Variants in SLC26A5 observed in about 807,000 individuals in gnomAD.
SLC26A5 encodes the protein prestin.
In SLC26A5, 51 loss-of-function variants were observed where a neutral mutation model predicts 81.0. The observed-to-expected ratio is 0.63, with a 90% confidence interval of 0.50 to 0.80. The LOEUF is 0.80. SLC26A5 is among the 30% of genes least tolerant of loss of function. SLC26A5 has a pLI of 0.00. For missense variants in SLC26A5, 771 were observed against 905.8 expected, an observed-to-expected ratio of 0.85 and a Z score of 1.91; for synonymous variants, 325 against 332.8, an observed-to-expected ratio of 0.98 and a Z score of 0.25.
rs1822685087 is a variant in SLC26A5, at chr7:103,391,846, T to C, written c.1120-111A>G. The C allele has an allele frequency of 3.6e-6, 3 of 832,994 alleles. No individual in the cohort carries two copies. The Admixed American group carries it at 6.0e-5, about 17-fold the overall frequency. 51.6% of individuals were successfully genotyped at this position (832,994 alleles called of 1,614,324 possible). A position where few individuals can be genotyped will look rare whatever the true frequency, so the allele number is the denominator to read the frequency against. On this transcript the variant is annotated intron_variant, in intron 10 of 19. Transcript: ENST00000306312. Reference sequence around the variant, plus strand: ...AGCACTACAGCCTATCTCTTCATTTTCCTTTCAGATGTAAGAATTTGTTCA... The same window carrying C: ...AGCACTACAGCCTATCTCTTCATTTCCCTTTCAGATGTAAGAATTTGTTCA...
chr7:103,402,236 G>C (rs1823653517), intron 8 of SLC26A5, among the ~76,000 whole-genome samples: 1 of 152,062 alleles, frequency 6.6e-6, no homozygotes, highest in African/African-American at 2.4e-5. Context: ...CTCAATTTCA[G>C]AGCCTGTTAT....
chr7:103,427,936 T>C (rs551920636), intron 2 of SLC26A5, among the ~76,000 whole-genome samples: 1 of 151,266 alleles, frequency 6.6e-6, no homozygotes, highest in East Asian at 2.0e-4. Context: ...CACTGCAACC[T>C]ATGCCTCCTG....
chr7:103,382,256 G>C (rs1325826920), intron 14 of SLC26A5, among the ~76,000 whole-genome samples: 1 of 151,908 alleles, frequency 6.6e-6, no homozygotes, highest in Non-Finnish European at 1.5e-5. Context: ...TGAGGGCGTG[G>C]GGAGAAAATG....
At chr7:103,438,795 T>C (rs1826655515) in intron 2 of SLC26A5, among the ~76,000 whole-genome samples, 1 of 152,224 alleles carries the variant, frequency 6.6e-6, no homozygotes, top group Non-Finnish European at 1.5e-5. Context: ...CAATCTCTGA[T>C]GTGTCGGCAA....
chr7:103,360,948 T>C (rs112722233), intron 19 of SLC26A5, among the ~76,000 whole-genome samples: 9,732 of 150,804 alleles, frequency 0.065, 466 homozygotes, highest in African/African-American at 0.14. Context: ...CCCGTATATA[T>C]TAAAAATACA....
At chr7:103,439,753 C>T (rs73175871) in intron 2 of SLC26A5, among the ~76,000 whole-genome samples, 11,802 of 152,220 alleles carry the variant, frequency 0.078, 551 homozygotes, top group South Asian at 0.11. Context: ...AGGCTGGTCT[C>T]GGACTCCTGG....
intron 13 of SLC26A5, 79 bp downstream of exon 13, chr7:103,389,246 AATTT>A: frequency 1.6e-6 from 2 of 1,250,796 alleles, no homozygotes; most frequent in Non-Finnish European, 2.4e-6. Flanking sequence ...CAACTGCATT[AATTT>A]ATCTTTCTCA....
intron 19 of SLC26A5, chr7:103,364,387 A>G (rs954771638): frequency 1.3e-5 from 19 of 1,498,510 alleles, no homozygotes; most frequent in Non-Finnish European, 1.7e-5. Flanking sequence ...GCACTTCTGC[A>G]TTGAGGGATC....
intron 2 of SLC26A5, among the ~76,000 whole-genome samples, chr7:103,439,249 G>C (rs1826689933): frequency 6.6e-6 from 1 of 152,144 alleles, no homozygotes; most frequent in African/African-American, 2.4e-5. Flanking sequence ...GGAGGAATGG[G>C]AAGAGGCTAA....
At chr7:103,441,159 G>A (rs945109422) in intron 2 of SLC26A5, among the ~76,000 whole-genome samples, 3 of 152,172 alleles carry the variant, frequency 2.0e-5, no homozygotes, top group Admixed American at 6.5e-5. Context: ...GGTAACCGAC[G>A]TGCCTCTTAC....
At chr7:103,428,802 A>T (rs1825874800) in intron 2 of SLC26A5, among the ~76,000 whole-genome samples, 1 of 152,150 alleles carries the variant, frequency 6.6e-6, no homozygotes, top group Non-Finnish European at 1.5e-5. Flanking sequence ...TCTTGACCTC[A>T]AGTGATCCAT....
At chr7:103,425,682 T>TAA (rs1825667420) in intron 2 of SLC26A5, among the ~76,000 whole-genome samples, 2 of 152,118 alleles carry the variant, frequency 1.3e-5, no homozygotes, top group South Asian at 4.2e-4. Flanking sequence ...AGATGCTTAC[T>TAA]GAAAAGTACA....
intron 8 of SLC26A5, among the ~76,000 whole-genome samples, chr7:103,401,819 G>A (rs1389101609): frequency 6.6e-6 from 1 of 152,114 alleles, no homozygotes; most frequent in Non-Finnish European, 1.5e-5. Context: ...ATAATCAAGT[G>A]GTTTTTGTCA....
chr7:103,374,540 T>C lies in SLC26A5; in HGVS notation c.2094A>G (p.Leu698=), dbSNP rs771157968. 1 of 1,613,880 alleles carries C rather than the reference T, an allele frequency of 6.2e-7. No homozygotes were observed. The highest frequency in any genetic ancestry group is 8.5e-7 in the Non-Finnish European group (1 of 1,180,006). The part of the protein sequence containing the change: ...TRNRFFENPA[L]WELLFHSIHD... Reference sequence around the variant, plus strand: ...GAATGCTGTGGAACAGCAGCTCCCATAGGGCAGGATTTTCAAAAAATCTAT... The same window carrying C: ...GAATGCTGTGGAACAGCAGCTCCCACAGGGCAGGATTTTCAAAAAATCTAT... Residue 698 remains leucine, a synonymous_variant, in exon 20 of 20, where the codon CTA becomes CTG. Coordinates refer to ENST00000306312, the MANE Select transcript of SLC26A5 (RefSeq NM_198999.3).
At chr7:103,411,331 A>C in intron 6 of SLC26A5, 89 bp downstream of exon 6, 40 of 1,503,618 alleles carry the variant, frequency 2.7e-5, no homozygotes, top group Non-Finnish European at 3.6e-5. Flanking sequence ...GACCCCATCC[A>C]CCGTGTAGTA....
intron 13 of SLC26A5, 42 bp downstream of exon 13, chr7:103,389,287 G>A: frequency 7.1e-7 from 1 of 1,418,154 alleles, no homozygotes; most frequent in Non-Finnish European, 1.0e-6. Flanking sequence ...AATCATATCT[G>A]CTCTATGACA....
chr7:103,367,384 A>G lies in SLC26A5; in HGVS notation c.2041+9424T>C. ...TAGTGCTACTCTTGAGTGGACTTGA[A>G]GAGCTTATCTTTCCTTTTGTCTTCT... is the stretch of plus-strand genomic sequence containing the variant. On this transcript the variant is annotated intron_variant, in intron 19 of 19. Transcript: ENST00000339444. This position sits in a 1 kb window ranked among gnomAD's most constrained non-coding sequence, Gnocchi z 6.1. 1 of 1,610,062 alleles carries G rather than the reference A, an allele frequency of 6.2e-7. No homozygotes were observed. The highest frequency in any genetic ancestry group is 8.5e-7 in the Non-Finnish European group (1 of 1,177,894).
rs1820759763 is a variant in SLC26A5 at position 103,367,164 on chromosome 7, A to T, written c.2041+9644T>A. On this transcript the variant is annotated intron_variant, in intron 19 of 19. Transcript: ENST00000339444. The surrounding 1 kb of genome is among the most constrained non-coding windows in gnomAD (Gnocchi z 6.1). The stretch of plus-strand genomic sequence containing the variant: ...GTAATAAATGTGGTAGACTTTGAAA[A>T]CACTAAACTGCCCCATAGGCAGTTT... 6.6e-6 allele frequency among the ~76,000 whole-genome samples: 1 copy of T among 152,184 alleles called. No homozygotes were observed. Among genetic ancestry groups the T allele is most frequent in the Non-Finnish European group, 1.5e-5 (1 of 68,042 alleles).
intron 8 of SLC26A5, among the ~76,000 whole-genome samples, chr7:103,405,514 G>C (rs1355005648): frequency 6.6e-6 from 1 of 152,190 alleles, no homozygotes; most frequent in Non-Finnish European, 1.5e-5. Context: ...ACCAGCGAAG[G>C]CTGCAGAACA....
Sources: allele counts gnomAD v4.1 joint callset (sites outside exome capture counted in the v4.1 genomes callset), GRCh38; gene constraint gnomAD v4.1.1; non-coding constraint Gnocchi (gnomAD v3.1); transcripts MANE v1.5; gene names NCBI Gene and HGNC (gene_info 2026-07-23, HGNC 2026-07-21).